The following DNAAF9 variants were observed in gnomAD, a reference collection of about 807,000 sequenced individuals.
DNAAF9 encodes the protein dynein axonemal assembly factor 9.
In DNAAF9, 90 loss-of-function variants were observed where a neutral mutation model predicts 167.0. The ratio of observed to expected loss-of-function variants is 0.54; its 90% CI spans 0.45 to 0.64. The LOEUF (loss-of-function observed/expected upper bound fraction) is 0.64, where lower values mean the gene tolerates loss of function less well. Among genes scored for constraint, DNAAF9 ranks in the 30% least tolerant of loss-of-function variants. The pLI, the probability that DNAAF9 is intolerant of heterozygous loss-of-function variation, is 0.00. For synonymous variants in DNAAF9, 491 were observed against 508.8 expected (o/e 0.96, Z 0.47); for missense variants, 1,315 against 1,442.2 (o/e 0.91, Z 1.43).
rs1568606105 is a variant in DNAAF9, at chr20:3,326,299, A to T, written c.1101-15T>A. 1 of 1,554,784 alleles carries T rather than the reference A, an allele frequency of 6.4e-7. No homozygotes were observed. The highest frequency in any genetic ancestry group is 1.7e-5 in the Admixed American group (1 of 59,698). On this transcript the variant is annotated splice_polypyrimidine_tract_variant and intron_variant, in intron 12 of 36. Coordinates refer to ENST00000252032, the MANE Select transcript of DNAAF9 (RefSeq NM_001009984.3). Reference sequence around the variant, plus strand: ...ACAATAGCCTACTTTAAAAACAAAAAATAATGGTTAACATTACAGCATCAT... The same window carrying T: ...ACAATAGCCTACTTTAAAAACAAAATATAATGGTTAACATTACAGCATCAT...
intron 31 of DNAAF9, 54 bp downstream of exon 31, chr20:3,264,384 T>A (rs1380766104): frequency 2.4e-6 from 2 of 821,398 alleles, no homozygotes; most frequent in Admixed American, 2.1e-5. Context: ...TGTAAATAAA[T>A]AAATCATTGG....
At position 3,332,354 on chromosome 20, in the gene DNAAF9, T is replaced by C; in HGVS notation, c.989A>G (p.Gln330Arg). 2 of 1,588,434 alleles carry C rather than the reference T, an allele frequency of 1.3e-6. No individual in the cohort carries two copies. The highest frequency in any genetic ancestry group is 1.7e-6 in the Non-Finnish European group (2 of 1,157,130). The change falls in exon 11 of 37, where the codon CAG becomes CGG. Residue 330 changes from glutamine (Q) to arginine (R), a missense_variant. Gln to Arg is a conservative substitution (Grantham distance 43). Transcript: ENST00000252032. Reference protein sequence around the residue: ...GGSFAKHMVAQCVSPKGPLAC... With the variant: ...GGSFAKHMVARCVSPKGPLAC... ...AAGAGGTCCCTTTGGTGAGACACAC[T>C]GGGCTACCTGGATGTCAGAAAAAAA...
chr20:3,315,652 G>A lies in DNAAF9; in HGVS notation c.1590+83C>T. The A allele has an allele frequency of 9.5e-7, 1 of 1,052,000 alleles. No homozygotes were observed. Among genetic ancestry groups the A allele is most frequent in the South Asian group, 1.3e-5 (1 of 79,716 alleles). 65.2% of individuals were successfully genotyped at this position (1,052,000 alleles called of 1,614,324 possible). A position where few individuals can be genotyped will look rare whatever the true frequency, so the allele number is the denominator to read the frequency against. ...TGCAAGTCTTTTAGATTAGTAGTGAGATGAAGCATTTTAATACCTTTATGA... is the reference window on the plus strand; with the variant it reads ...TGCAAGTCTTTTAGATTAGTAGTGAAATGAAGCATTTTAATACCTTTATGA... On this transcript the variant is annotated intron_variant, in intron 19 of 36. Transcript: ENST00000252032. This position sits in a 1 kb window ranked among gnomAD's most constrained non-coding sequence, Gnocchi z 4.1.
chr20:3,310,271 GAGAA>G (rs747057443), intron 20 of DNAAF9, among the ~76,000 whole-genome samples: 15 of 140,492 alleles, frequency 1.1e-4, no homozygotes, highest in South Asian at 4.6e-4. Context: ...GAGAAAGAAA[GAGAA>G]AGAAAGGAAA....
chr20:3,322,270 G>T lies in DNAAF9; in HGVS notation c.1311-8C>A. On this transcript the variant is annotated splice_polypyrimidine_tract_variant and splice_region_variant and intron_variant, in intron 15 of 36. Coordinates refer to ENST00000252032, the MANE Select transcript of DNAAF9 (RefSeq NM_001009984.3). ...CTGTCCAGCGGTACAATTCTAGGAG[G>T]GGAAAGAGATGGAAGACTATGTTAA... 6.2e-7 allele frequency: 1 copy of T among 1,601,162 alleles called. No homozygotes were observed. Among genetic ancestry groups the T allele is most frequent in the South Asian group, 1.1e-5 (1 of 90,254 alleles).
intron 30 of DNAAF9, among the ~76,000 whole-genome samples, chr20:3,268,897 C>CTTTTTT (rs386393120): frequency 0.035 from 3,001 of 85,744 alleles, 383 homozygotes; most frequent in Non-Finnish European, 0.049. Context: ...CTCTATGTTA[C>CTTTTTT]TTTTTTTTTT....
At chr20:3,308,553 A>G (rs2123006214) in intron 20 of DNAAF9, among the ~76,000 whole-genome samples, 1 of 152,014 alleles carries the variant, frequency 6.6e-6, no homozygotes, top group African/African-American at 2.4e-5. Context: ...CACGCTGGCC[A>G]GGCTAGTCTC....
chr20:3,375,231 C>T, intron 4 of DNAAF9, 105 bp from the exon 5 acceptor site: 2 of 747,562 alleles, frequency 2.7e-6, no homozygotes, highest in South Asian at 3.2e-5. Context: ...ATGACATTTA[C>T]AGAGGACTGC....
At chr20:3,332,734 GAT>G (rs2069854459) in intron 10 of DNAAF9, among the ~76,000 whole-genome samples, 2 of 152,032 alleles carry the variant, frequency 1.3e-5, no homozygotes, top group African/African-American at 4.8e-5. Flanking sequence ...AAAGTGCTGA[GAT>G]TACAGGTGTG....
rs1178750984 is a variant in DNAAF9 at position 3,336,252 on chromosome 20, G to GTTTTTTTTTTTTTTTTTTTTT, written c.982-3892_982-3891insAAAAAAAAAAAAAAAAAAAAA. Among the ~76,000 whole-genome samples, 54 of 81,404 alleles carry GTTTTTTTTTTTTTTTTTTTTT rather than the reference G, an allele frequency of 6.6e-4. 8 individuals are homozygous for GTTTTTTTTTTTTTTTTTTTTT. The highest frequency in any genetic ancestry group is 1.8e-3 in the South Asian group (4 of 2,194). The allele number at this position is 81,404 out of a possible 152,430, so 53.4% of individuals were successfully genotyped here. On this transcript the variant is annotated intron_variant, in intron 10 of 36. Coordinates refer to ENST00000252032, the MANE Select transcript of DNAAF9 (RefSeq NM_001009984.3). ...TGATTTTGCAGATTCACAGTTTTGC[G>GTTTTTTTTTTTTTTTTTTTTT]TTTTTGTTTTTTTTTTTTTTTTTGC... is the stretch of plus-strand genomic sequence containing the variant.
chr20:3,304,425 T>C lies in DNAAF9; in HGVS notation c.1782+15A>G, dbSNP rs2069251136. The C allele has an allele frequency of 1.7e-6, 2 of 1,153,178 alleles. No homozygotes were observed. Among genetic ancestry groups the C allele is most frequent in the East Asian group, 2.4e-5 (1 of 42,500 alleles). 71.4% of individuals were successfully genotyped at this position (1,153,178 alleles called of 1,614,324 possible). ...CTTTCCGACCAAAAAAGCCACTGAC[T>C]AGTAAAACACCTACCCCATCATAGA... On this transcript the variant is annotated intron_variant, in intron 21 of 36. Coordinates refer to ENST00000252032, the MANE Select transcript of DNAAF9 (RefSeq NM_001009984.3).
At chr20:3,330,767 T>C in intron 11 of DNAAF9, 85 bp from the exon 12 acceptor site, 1 of 737,172 alleles carries the variant, frequency 1.4e-6, no homozygotes, top group Non-Finnish European at 2.3e-6. Context: ...TTAATTTACC[T>C]GGAAGGCATT....
At chr20:3,302,699 G>T (rs1297963534) in intron 21 of DNAAF9, among the ~76,000 whole-genome samples, 1 of 152,160 alleles carries the variant, frequency 6.6e-6, no homozygotes, top group East Asian at 1.9e-4. Flanking sequence ...TTACAGAATA[G>T]ATGATGTTCA....
intron 27 of DNAAF9, among the ~76,000 whole-genome samples, chr20:3,285,681 TAA>T (rs774457454): frequency 3.2e-4 from 33 of 103,852 alleles, no homozygotes; most frequent in Admixed American, 5.0e-4. Context: ...TCTGTCTCAT[TAA>T]AAAAAAAAAA....
intron 10 of DNAAF9, among the ~76,000 whole-genome samples, chr20:3,333,237 A>G (rs6037553): frequency 0.19 from 28,833 of 152,090 alleles, 2,960 homozygotes; most frequent in African/African-American, 0.23. Flanking sequence ...TCAAATTTTT[A>G]TTCTTCTTCC....
Position 3,294,611 on chromosome 20 carries a change from C to A in DNAAF9, c.2037G>T (p.Lys679Asn). The part of the protein sequence containing the change: ...EQKRLHSSAQ[K>N]LFSALSQPAG... ...CAGGCTGGCTCAGGGCACTGAAGAG[C>A]TTCTGTGCACTGGAGTGCCTGGAAT... Residue 679 changes from lysine (K) to asparagine (N), a missense_variant, in exon 24 of 37, where the codon AAG becomes AAT. Physicochemically the swap from Lys to Asn is moderately conservative, Grantham distance 94. This residue lies in a region of DNAAF9 where 981 missense variants were observed against 1,012.5 expected (regional missense o/e 0.97). Coordinates refer to ENST00000252032, the MANE Select transcript of DNAAF9 (RefSeq NM_001009984.3). 6.2e-7 allele frequency: 1 copy of A among 1,611,448 alleles called. No homozygotes were observed. The highest frequency in any genetic ancestry group is 8.5e-7 in the Non-Finnish European group (1 of 1,177,590).
chr20:3,359,731 A>G (rs1007892525), intron 6 of DNAAF9, 138 bp from the exon 7 acceptor site: 69 of 620,820 alleles, frequency 1.1e-4, no homozygotes, highest in Non-Finnish European at 1.8e-4. Context: ...TTTATCAATT[A>G]TATTTGCCCT....
intron 29 of DNAAF9, among the ~76,000 whole-genome samples, chr20:3,272,956 G>A (rs567529795): frequency 3.9e-5 from 6 of 152,072 alleles, no homozygotes; most frequent in East Asian, 3.9e-4. Flanking sequence ...CCGGCCTCCC[G>A]AGTAGCTGGG....
At chr20:3,336,283 T>C (rs1373447210) in intron 10 of DNAAF9, among the ~76,000 whole-genome samples, 1 of 108,590 alleles carries the variant, frequency 9.2e-6, no homozygotes, top group Non-Finnish European at 1.9e-5. Flanking sequence ...TTTGCCAAAT[T>C]TGGGGGAATT....
Sources: gnomAD v4.1 joint callset for allele counts (sites outside exome capture counted in the v4.1 genomes callset) on GRCh38, gnomAD v4.1.1 for gene constraint, gnomAD v4.1.1 regional missense constraint, Gnocchi (gnomAD v3.1) non-coding constraint, MANE v1.5 for transcripts, NCBI Gene and HGNC (gene_info 2026-07-23, HGNC 2026-07-21) for gene names.